The following IGF2BP3 variants were observed in gnomAD, a reference collection of about 807,000 sequenced individuals.
The protein encoded by IGF2BP3 is insulin like growth factor 2 mRNA binding protein 3, also known as insulin-like growth factor 2 mRNA-binding protein 3.
IGF2BP3 carries 9 observed loss-of-function variants against 73.8 expected under a neutral mutation model. The observed-to-expected ratio is 0.12, with a 90% CI of 0.07 to 0.21. The LOEUF is 0.21. Among genes scored for constraint, IGF2BP3 ranks in the 10% least tolerant of loss-of-function variants. The probability of loss-of-function intolerance (pLI) is 1.00; values close to 1 mark genes in which losing one functional copy is unlikely to be tolerated. For missense variants in IGF2BP3, 542 were observed against 714.0 expected (o/e 0.76, Z 2.75); for synonymous variants, 258 against 256.7 (o/e 1.01, Z -0.05).
At chr7:23,446,963 G>A (rs1001014445) in intron 2 of IGF2BP3, among the ~76,000 whole-genome samples, 1 of 151,762 alleles carries the variant, frequency 6.6e-6, no homozygotes, top group Admixed American at 6.6e-5. Flanking sequence ...AGCACTTTCG[G>A]AGGCTGAGGC....
At chr7:23,320,644 TAAAAAAAAAAA>T (rs35291021) in intron 10 of IGF2BP3, among the ~76,000 whole-genome samples, 127 of 115,338 alleles carry the variant, frequency 1.1e-3, no homozygotes, top group Admixed American at 1.6e-3. Context: ...TGCTTTTGTT[TAAAAAAAAAAA>T]AAAAAAAAAA....
chr7:23,324,716 A>G (rs1784246807), intron 10 of IGF2BP3, among the ~76,000 whole-genome samples: 1 of 88,784 alleles, frequency 1.1e-5, no homozygotes, highest in Non-Finnish European at 2.1e-5. Flanking sequence ...CAAAAAGCTT[A>G]TCCACCATGA....
chr7:23,396,184 C>G lies in IGF2BP3; in HGVS notation c.285+22592G>C, dbSNP rs74678143. On this transcript the variant is annotated intron_variant, in intron 3 of 14. Transcript: ENST00000258729. ...TTTGATAACATGGGAGGACAGAGCC[C>G]TACCCACCTTAGCTCTGGTGGGAGA... Among the ~76,000 whole-genome samples the G allele has an allele frequency of 8.4e-3, 1,278 of 152,128 alleles. 32 individuals carry two copies. In the East Asian group the frequency reaches 0.095, roughly 11 times the overall value.
chr7:23,412,593 G>C (rs960542031), intron 3 of IGF2BP3, among the ~76,000 whole-genome samples: 1 of 152,230 alleles, frequency 6.6e-6, no homozygotes, highest in East Asian at 1.9e-4. Context: ...AGTAAACACA[G>C]GGAAATATTG....
chr7:23,452,102 C>T (rs370422748), intron 2 of IGF2BP3, among the ~76,000 whole-genome samples: 299 of 151,626 alleles, frequency 2.0e-3, no homozygotes, highest in African/African-American at 3.7e-3. Context: ...CTTCCTGGGT[C>T]CACGCCATTC....
intron 2 of IGF2BP3, among the ~76,000 whole-genome samples, chr7:23,425,038 T>C (rs941113364): frequency 6.6e-6 from 1 of 152,234 alleles, no homozygotes; most frequent in Non-Finnish European, 1.5e-5. Context: ...GAGCTTTATT[T>C]CAACATAACC....
intron 3 of IGF2BP3, 101 bp from the exon 4 acceptor site, chr7:23,361,842 G>A (rs1252537023): frequency 6.8e-6 from 7 of 1,024,918 alleles, no homozygotes; most frequent in Non-Finnish European, 1.0e-5. Context: ...TGATGGAAAA[G>A]AGCCAAAAAA....
intron 3 of IGF2BP3, among the ~76,000 whole-genome samples, chr7:23,383,323 C>T (rs1250846522): frequency 6.6e-6 from 1 of 152,080 alleles, no homozygotes; most frequent in Non-Finnish European, 1.5e-5. Context: ...GGAAAAATGT[C>T]TACTCAGATT....
intron 3 of IGF2BP3, among the ~76,000 whole-genome samples, chr7:23,366,785 T>A (rs1785385926): frequency 6.6e-6 from 1 of 152,120 alleles, no homozygotes; most frequent in Admixed American, 6.6e-5. Flanking sequence ...GTCAATAGCC[T>A]AATAAGATTC....
intron 2 of IGF2BP3, among the ~76,000 whole-genome samples, chr7:23,456,997 C>G (rs1274350629): frequency 6.6e-6 from 1 of 151,364 alleles, no homozygotes; most frequent in Non-Finnish European, 1.5e-5. Flanking sequence ...TGCAGTGAGC[C>G]AAAATCGCGC....
chr7:23,428,858 C>A (rs140671918), intron 2 of IGF2BP3, among the ~76,000 whole-genome samples: 3 of 151,954 alleles, frequency 2.0e-5, no homozygotes, highest in African/African-American at 7.2e-5. Flanking sequence ...CAGAGTCATA[C>A]ATATTTTGCT....
Position 23,407,181 on chromosome 7 carries a change from TAAAAAAAAAAA to T in IGF2BP3, c.285+11584_285+11594del, listed in dbSNP as rs77237856. Among the ~76,000 whole-genome samples, 172 of 121,206 alleles carry T rather than the reference TAAAAAAAAAAA, an allele frequency of 1.4e-3. 4 individuals are homozygous for T. The highest frequency in any genetic ancestry group is 5.0e-3 in the African/African-American group (164 of 32,688). 79.5% of individuals were successfully genotyped at this position (121,206 alleles called of 152,430 possible). ...AACTTGTCCATGATGATGTAGTTAT[TAAAAAAAAAAA>T]AAAAGAAAAAAAGAAACAACTTGGA... On this transcript the variant is annotated intron_variant, in intron 3 of 14. Coordinates refer to ENST00000258729, the MANE Select transcript of IGF2BP3 (RefSeq NM_006547.3).
chr7:23,390,490 G>A (rs1786237704), intron 3 of IGF2BP3, among the ~76,000 whole-genome samples: 1 of 152,216 alleles, frequency 6.6e-6, no homozygotes, highest in Non-Finnish European at 1.5e-5. Flanking sequence ...AAAGCAAAGA[G>A]TGCCGCTAGA....
chr7:23,328,719 C>T (rs1035826454), intron 10 of IGF2BP3, among the ~76,000 whole-genome samples: 15 of 152,116 alleles, frequency 9.9e-5, no homozygotes, highest in African/African-American at 3.6e-4. Flanking sequence ...AAAACTTATA[C>T]ATGACCAAGT....
At chr7:23,398,167 G>GT (rs1306628305) in intron 3 of IGF2BP3, among the ~76,000 whole-genome samples, 1 of 151,382 alleles carries the variant, frequency 6.6e-6, no homozygotes, top group Non-Finnish European at 1.5e-5. Flanking sequence ...GCAGTGGTTG[G>GT]TTTTTTGTCC....
chr7:23,379,476 T>A (rs960794204), intron 3 of IGF2BP3, among the ~76,000 whole-genome samples: 2 of 152,206 alleles, frequency 1.3e-5, no homozygotes, highest in Non-Finnish European at 1.5e-5. Context: ...ATAGCACCTA[T>A]TGCGAATGAA....
chr7:23,408,297 C>T (rs537490784), intron 3 of IGF2BP3, among the ~76,000 whole-genome samples: 77 of 152,186 alleles, frequency 5.1e-4, no homozygotes, highest in Non-Finnish European at 9.7e-4. Flanking sequence ...CATTTGAATA[C>T]ATAATTGTCT....
intron 3 of IGF2BP3, among the ~76,000 whole-genome samples, chr7:23,370,803 G>A (rs568590007): frequency 6.6e-6 from 1 of 151,728 alleles, no homozygotes; most frequent in Non-Finnish European, 1.5e-5. Flanking sequence ...TCAGCCTCCC[G>A]AGAAGCTGGG....
chr7:23,340,805 A>T (rs1004177959), intron 10 of IGF2BP3, among the ~76,000 whole-genome samples: 1 of 151,394 alleles, frequency 6.6e-6, no homozygotes, highest in Non-Finnish European at 1.5e-5. Context: ...GGAAACTGCT[A>T]TTCTTAAAAA....
Sources: allele counts gnomAD v4.1 joint callset (sites outside exome capture counted in the v4.1 genomes callset), GRCh38; gene constraint gnomAD v4.1.1; transcripts MANE v1.5; gene names NCBI Gene and HGNC (gene_info 2026-07-23, HGNC 2026-07-21).